GPR89B: variants seen among roughly 807,000 people sequenced by gnomAD.
GPR89B encodes the protein G protein-coupled receptor 89B.
In GPR89B, 25 loss-of-function variants were observed where a neutral mutation model predicts 52.4. The ratio of observed to expected loss-of-function variants is 0.48; its 90% CI spans 0.35 to 0.67. The LOEUF is 0.67. Ranked by LOEUF, GPR89B falls within the 30% of genes least tolerant of loss-of-function variation. GPR89B has a pLI of 0.01. For missense variants in GPR89B, 146 were observed against 450.2 expected (o/e 0.32, Z 6.11); for synonymous variants, 52 against 151.2 (o/e 0.34, Z 4.81).
the GPR89B span, among the ~76,000 whole-genome samples, chr1:147,998,816 G>A: frequency 3.3e-5 from 5 of 150,486 alleles, no homozygotes; most frequent in Admixed American, 1.3e-4. Flanking sequence ...GGGAGGCAGA[G>A]GTTCCAGTGA....
chr1:147,985,211 A>G (rs1658577939), intron 10 of GPR89B, among the ~76,000 whole-genome samples: 1 of 152,042 alleles, frequency 6.6e-6, no homozygotes, highest in East Asian at 1.9e-4. Context: ...TTCTGAAATG[A>G]CCCTTTTAAT....
chr1:148,006,741 G>T, the GPR89B span, among the ~76,000 whole-genome samples: 1 of 150,834 alleles, frequency 6.6e-6, no homozygotes, highest in African/African-American at 2.4e-5. Flanking sequence ...TTAACAGATG[G>T]AGTCTTGCTC....
chr1:148,006,913 C>T, the GPR89B span, among the ~76,000 whole-genome samples: 12 of 150,746 alleles, frequency 8.0e-5, no homozygotes, highest in Non-Finnish European at 1.0e-4. Context: ...GATGGGGTTT[C>T]GCCATGTTGG....
chr1:148,021,885 C>T, the GPR89B span: 2 of 147,446 alleles, frequency 1.4e-5, no homozygotes, highest in East Asian at 2.0e-4. Flanking sequence ...TCCGGTTTCA[C>T]CCCTGTTTTC....
At chr1:147,969,443 A>T (rs1359122616) in intron 9 of GPR89B, 1 of 203,906 alleles carries the variant, frequency 4.9e-6, no homozygotes, top group African/African-American at 2.4e-5. Flanking sequence ...GTTAGTGAAG[A>T]TTGCAAACTT....
At chr1:147,970,491 A>ATCTC (rs1174595676) in intron 10 of GPR89B, among the ~76,000 whole-genome samples, 6,864 of 105,384 alleles carry the variant, frequency 0.065, 156 homozygotes, top group South Asian at 0.14. Flanking sequence ...GTGAGACTCC[A>ATCTC]TCTCTCTCTC....
At chr1:147,961,874 A>C (rs1656598558) in intron 7 of GPR89B, among the ~76,000 whole-genome samples, 1 of 152,074 alleles carries the variant, frequency 6.6e-6, no homozygotes, top group African/African-American at 2.4e-5. Context: ...AATGATGTTA[A>C]TTCTCCCCAA....
At chr1:147,951,240 T>C (rs1553250996) in intron 5 of GPR89B, among the ~76,000 whole-genome samples, 1 of 151,774 alleles carries the variant, frequency 6.6e-6, no homozygotes, top group African/African-American at 2.4e-5. Context: ...TTCAATAATA[T>C]CTACCTCATA....
At chr1:147,990,451 C>A (rs28784723) in intron 12 of GPR89B, among the ~76,000 whole-genome samples, 4,260 of 151,980 alleles carry the variant, frequency 0.028, 76 homozygotes, top group African/African-American at 0.038. Flanking sequence ...TCTTTAGTTT[C>A]ATTAGATCCC....
intron 7 of GPR89B, among the ~76,000 whole-genome samples, chr1:147,957,561 C>T (rs1194038463): frequency 3.1e-4 from 47 of 152,054 alleles, no homozygotes; most frequent in Non-Finnish European, 6.5e-4. Flanking sequence ...GTACTAGATG[C>T]TAGGGATAGA....
At chr1:147,981,452 C>A (rs1201734686) in intron 10 of GPR89B, among the ~76,000 whole-genome samples, 1 of 144,616 alleles carries the variant, frequency 6.9e-6, no homozygotes, top group Non-Finnish European at 1.5e-5. Context: ...TGCAGTGAGC[C>A]GTGATTGTGC....
chr1:148,025,413 A>G, the GPR89B span, among the ~76,000 whole-genome samples: 4 of 148,504 alleles, frequency 2.7e-5, no homozygotes, highest in Non-Finnish European at 4.4e-5. Context: ...ATCCCAGCAC[A>G]TTGGGAGGCC....
At chr1:147,968,634 CTT>C in intron 8 of GPR89B, 1 of 605,760 alleles carries the variant, frequency 1.7e-6, no homozygotes. Flanking sequence ...AGCTGCTTGA[CTT>C]AAGAGAAACT....
chr1:147,964,213 A>G (rs1258316989), intron 7 of GPR89B, among the ~76,000 whole-genome samples: 4 of 151,328 alleles, frequency 2.6e-5, no homozygotes, highest in Non-Finnish European at 5.9e-5. Context: ...TCAAAACTAC[A>G]TTATGAATCT....
At chr1:147,949,186 C>T (rs1180332205) in intron 5 of GPR89B, among the ~76,000 whole-genome samples, 3 of 152,148 alleles carry the variant, frequency 2.0e-5, no homozygotes, top group Admixed American at 6.5e-5. Flanking sequence ...GGCAACCATC[C>T]GATTTCTCAA....
chr1:147,981,735 C>G (rs1260096327), intron 10 of GPR89B, among the ~76,000 whole-genome samples: 1 of 150,252 alleles, frequency 6.7e-6, no homozygotes, highest in Non-Finnish European at 1.5e-5. Context: ...TCACTTCGAC[C>G]TCTGCCTCCT....
chr1:147,945,801 T>G (rs1654921581), intron 5 of GPR89B, among the ~76,000 whole-genome samples: 1 of 151,120 alleles, frequency 6.6e-6, no homozygotes, highest in South Asian at 2.1e-4. Context: ...CTTGGCTCAC[T>G]GCAACCTCCG....
chr1:147,963,026 A>G (rs1271226951), intron 7 of GPR89B, among the ~76,000 whole-genome samples: 21 of 149,510 alleles, frequency 1.4e-4, no homozygotes, highest in Non-Finnish European at 3.0e-4. Flanking sequence ...AATAAAATCC[A>G]TGAAAGGAAA....
the GPR89B span, among the ~76,000 whole-genome samples, chr1:147,998,880 CAAAA>C: frequency 1.5e-4 from 12 of 77,748 alleles, no homozygotes; most frequent in South Asian, 4.7e-4. Context: ...GACTCTGTCT[CAAAA>C]AAAAAAAAAA....
Sources: gnomAD v4.1 joint callset for allele counts (sites outside exome capture counted in the v4.1 genomes callset) on GRCh38, gnomAD v4.1.1 for gene constraint, MANE v1.5 for transcripts, NCBI Gene and HGNC (gene_info 2026-07-23, HGNC 2026-07-21) for gene names.